Variants in ZNF584 observed in about 807,000 individuals in gnomAD.
ZNF584 encodes zinc finger protein 584.
In ZNF584, 12 loss-of-function variants were observed where a neutral mutation model predicts 14.7. The observed-to-expected ratio is 0.82, with a 90% CI of 0.52 to 1.32. The LOEUF (loss-of-function observed/expected upper bound fraction) is 1.32, where lower values mean the gene tolerates loss of function less well. Among genes scored for constraint, ZNF584 ranks in the 40% most tolerant of loss-of-function variants. The probability of loss-of-function intolerance (pLI) is 0.00; values close to 1 mark genes in which losing one functional copy is unlikely to be tolerated. For synonymous variants in ZNF584, 204 were observed against 190.9 expected, an observed-to-expected ratio of 1.07 and a Z score of -0.57; for missense variants, 478 against 518.8, an observed-to-expected ratio of 0.92 and a Z score of 0.76.
intron 2 of ZNF584, among the ~76,000 whole-genome samples, chr19:58,410,635 G>A (rs1487277011): frequency 2.6e-5 from 1 of 37,784 alleles, no homozygotes; most frequent in African/African-American, 2.4e-4. Flanking sequence ...GTATATATGT[G>A]TATATATATG....
intron 1 of ZNF584, among the ~76,000 whole-genome samples, chr19:58,403,093 C>T (rs1324087886): frequency 6.6e-6 from 1 of 152,144 alleles, no homozygotes; most frequent in East Asian, 1.9e-4. Context: ...AATGGTATAG[C>T]CACTTTGGAA....
At position 58,416,023 on chromosome 19, in the gene ZNF584, A is replaced by G. The variant is rs1241251074; in HGVS notation, c.292+377A>G. On this transcript the variant is annotated intron_variant, in intron 3 of 3. Coordinates refer to ENST00000306910, the MANE Select transcript of ZNF584 (RefSeq NM_173548.3). ...ATCACATTTTGCTGGGACTAGACAC[A>G]TGCCTCCTCATAGTGCTTGGCTGTC... 1.3e-5 allele frequency: 20 copies of G among 1,499,870 alleles called. No homozygotes were observed. In the Admixed American group the frequency reaches 3.6e-4, roughly 27 times the overall value. 92.9% of individuals were successfully genotyped at this position (1,499,870 alleles called of 1,614,324 possible).
intron 2 of ZNF584, among the ~76,000 whole-genome samples, chr19:58,415,037 T>C (rs756264108): frequency 1.3e-5 from 2 of 149,636 alleles, no homozygotes; most frequent in Non-Finnish European, 3.0e-5. Context: ...GGACTACAGG[T>C]GCCCGTCACC....
chr19:58,409,346 A>T, intron 1 of ZNF584, 181 bp downstream of exon 1: 1 of 747,940 alleles, frequency 1.3e-6, no homozygotes, highest in South Asian at 2.9e-5. Context: ...GGACTGGGAC[A>T]GGATGGGGTC....
intron 2 of ZNF584, among the ~76,000 whole-genome samples, chr19:58,412,816 A>C (rs1302221406): frequency 6.6e-6 from 1 of 152,166 alleles, no homozygotes; most frequent in African/African-American, 2.4e-5. Context: ...TTTTAATAAC[A>C]ACAAGAAAAC....
rs1415547920 is a variant in ZNF584 at position 58,409,135 on chromosome 19, C to G, written c.-13C>G. 4 of 1,452,136 alleles carry G rather than the reference C, an allele frequency of 2.8e-6. No individual in the cohort carries two copies. Among genetic ancestry groups the G allele is most frequent in the Non-Finnish European group, 3.7e-6 (4 of 1,094,350 alleles). The allele number at this position is 1,452,136 out of a possible 1,614,324, so 90.0% of individuals were successfully genotyped here. On this transcript the variant is annotated 5_prime_UTR_variant, in exon 1 of 4. Coordinates refer to ENST00000306910, the MANE Select transcript of ZNF584 (RefSeq NM_173548.3). ...CCGTGGGTCCAGTCCACGGGTTCTGCCCGCACGGTCCAATGGCCGGGGAGG... is the reference window on the plus strand; with the variant it reads ...CCGTGGGTCCAGTCCACGGGTTCTGGCCGCACGGTCCAATGGCCGGGGAGG...
chr19:58,412,458 C>T (rs2052589078), intron 2 of ZNF584, among the ~76,000 whole-genome samples: 1 of 151,992 alleles, frequency 6.6e-6, no homozygotes, highest in African/African-American at 2.4e-5. Context: ...ATCCACTCGC[C>T]TCGGCCTCCC....
chr19:58,402,883 AAAAT>A (rs2052441101), intron 1 of ZNF584, among the ~76,000 whole-genome samples: 1 of 152,142 alleles, frequency 6.6e-6, no homozygotes, highest in Non-Finnish European at 1.5e-5. Flanking sequence ...TCACCTAAGA[AAAAT>A]AGATACATAG....
intron 2 of ZNF584, 97 bp from the exon 3 acceptor site, chr19:58,415,427 G>C (rs920276207): frequency 1.1e-4 from 155 of 1,463,598 alleles, no homozygotes; most frequent in Non-Finnish European, 2.5e-5. Flanking sequence ...CGAACGTCTG[G>C]GTTTAAGTGA....
chr19:58,410,023 T>G lies in ZNF584; in HGVS notation c.101T>G (p.Leu34Arg). The change falls in exon 2 of 4, where the codon CTT becomes CGT. Residue 34 changes from leucine to arginine, a missense_variant. Physicochemically the swap from Leu to Arg is moderately radical, Grantham distance 102. This residue lies in a region of ZNF584 where 189 missense variants were observed against 177.9 expected (regional missense o/e 1.06). Coordinates refer to ENST00000306910, the MANE Select transcript of ZNF584 (RefSeq NM_173548.3). ...TTCTCCAGGGAGGAGTGGGGGCTCC[T>G]TAATGTGACCCAGAAGGGCCTATAC... is the stretch of plus-strand genomic sequence containing the variant. ...VYFSREEWGL[L>R]NVTQKGLYRD... 1.9e-6 allele frequency: 3 copies of G among 1,614,074 alleles called. No homozygotes were observed. The highest frequency in any genetic ancestry group is 1.6e-4 in the Middle Eastern group (1 of 6,062).
chr19:58,407,550 G>A (rs3826678), upstream of ZNF584, among the ~76,000 whole-genome samples: 31,536 of 152,144 alleles, frequency 0.21, 3,676 homozygotes, highest in Non-Finnish European at 0.27. Context: ...GGCATGATCT[G>A]GGCCTCAGTG....
upstream of ZNF584, chr19:58,406,353 GGGGA>G (rs2052473550): frequency 7.8e-5 from 5 of 64,500 alleles, no homozygotes; most frequent in South Asian, 5.5e-4. Flanking sequence ...GCGGGGGGGG[GGGGA>G]GGGGGAGGGG....
chr19:58,408,973 C>T lies in ZNF584; in HGVS notation c.-175C>T. 1.4e-6 allele frequency: 1 copy of T among 739,294 alleles called. No homozygotes were observed. The highest frequency in any genetic ancestry group is 2.0e-6 in the Non-Finnish European group (1 of 496,902). 45.8% of individuals were successfully genotyped at this position (739,294 alleles called of 1,614,324 possible). ...AGGCGCCGTGGGTCTCCCGGGCCTCCGTACCGTCCTCCTTCCCAGCGGCTC... is the reference window on the plus strand; with the variant it reads ...AGGCGCCGTGGGTCTCCCGGGCCTCTGTACCGTCCTCCTTCCCAGCGGCTC... On this transcript the variant is annotated 5_prime_UTR_variant, in exon 1 of 4. Transcript: ENST00000306910.
chr19:58,413,592 C>T (rs142341436), intron 2 of ZNF584, among the ~76,000 whole-genome samples: 1,955 of 151,468 alleles, frequency 0.013, 33 homozygotes, highest in African/African-American at 0.044. Context: ...CTGCAACCTC[C>T]GCCCCCCAAG....
At chr19:58,404,762 T>A (rs539661164), upstream of ZNF584, 2 of 204,446 alleles carry the variant, frequency 9.8e-6, no homozygotes, top group East Asian at 3.3e-4. Flanking sequence ...ACCTCCCAGA[T>A]GGGGTGGTGG....
intron 1 of ZNF584, among the ~76,000 whole-genome samples, chr19:58,401,873 A>G (rs1191692017): frequency 8.9e-6 from 1 of 111,732 alleles, no homozygotes; most frequent in Non-Finnish European, 1.6e-5. Context: ...TCCTATATAA[A>G]GTGAGACTCC....
At chr19:58,410,619 A>ATATATG (rs2052547534) in intron 2 of ZNF584, among the ~76,000 whole-genome samples, 1 of 45,890 alleles carries the variant, frequency 2.2e-5, no homozygotes, top group African/African-American at 1.8e-4. Context: ...ATATGTGTAT[A>ATATATG]TATGTGTATA....
Position 58,410,615 on chromosome 19 carries a change from G to A in ZNF584, c.169+524G>A, listed in dbSNP as rs185212144. Among the ~76,000 whole-genome samples the A allele has an allele frequency of 4.7e-3, 197 of 42,172 alleles. 20 individuals are homozygous for A. The highest frequency in any genetic ancestry group is 0.041 in the African/African-American group (157 of 3,854). 27.7% of individuals were successfully genotyped at this position (42,172 alleles called of 152,430 possible). A position where few individuals can be genotyped will look rare whatever the true frequency, so the allele number is the denominator to read the frequency against. ...TATGTATATATATGTATATATATGTGTATATATGTGTATATATGTGTATAT... is the reference window on the plus strand; with the variant it reads ...TATGTATATATATGTATATATATGTATATATATGTGTATATATGTGTATAT... On this transcript the variant is annotated intron_variant, in intron 2 of 3. Coordinates refer to ENST00000306910, the MANE Select transcript of ZNF584 (RefSeq NM_173548.3).
intron 1 of ZNF584, among the ~76,000 whole-genome samples, chr19:58,402,910 C>T (rs1485934480): frequency 1.3e-5 from 2 of 150,416 alleles, no homozygotes; most frequent in Admixed American, 1.3e-4. Context: ...GGCAAATAGG[C>T]ACATGAAAAT....
Sources: allele counts gnomAD v4.1 joint callset (sites outside exome capture counted in the v4.1 genomes callset), GRCh38; gene constraint gnomAD v4.1.1; regional missense constraint gnomAD v4.1.1; transcripts MANE v1.5; gene names NCBI Gene and HGNC (gene_info 2026-07-23, HGNC 2026-07-21).